SLC17A1: variants seen among roughly 807,000 people sequenced by gnomAD.
The protein encoded by SLC17A1 is sodium-dependent phosphate transport protein 1.
In SLC17A1, 51 loss-of-function variants were observed where a neutral mutation model predicts 53.5. The observed-to-expected ratio is 0.95, with a 90% CI of 0.76 to 1.20. The LOEUF is 1.20. SLC17A1 is among the 50% of genes most tolerant of loss of function. The pLI, the probability that SLC17A1 is intolerant of heterozygous loss-of-function variation, is 0.00. For missense variants in SLC17A1, 538 were observed against 568.2 expected, an observed-to-expected ratio of 0.95 and a Z score of 0.54; for synonymous variants, 179 against 198.8, an observed-to-expected ratio of 0.90 and a Z score of 0.84.
chr6:25,729,461 T>G, the SLC17A1 span, among the ~76,000 whole-genome samples: 6 of 152,292 alleles, frequency 3.9e-5, no homozygotes, highest in African/African-American at 1.2e-4. Context: ...TCTATTCCAC[T>G]GGGTCTTGGA....
intron 12 of SLC17A1, among the ~76,000 whole-genome samples, chr6:25,789,970 A>G (rs1417124593): frequency 6.6e-6 from 1 of 152,128 alleles, no homozygotes; most frequent in East Asian, 1.9e-4. Context: ...GATACCCTAA[A>G]GTGTGTGAGT....
the SLC17A1 span, chr6:25,726,607 T>G: frequency 2.0e-6 from 3 of 1,498,348 alleles, no homozygotes; most frequent in Non-Finnish European, 2.7e-6. Context: ...TGACTGAGGT[T>G]GGCATTTGCT....
At chr6:25,753,980 C>T in the SLC17A1 span, among the ~76,000 whole-genome samples, 6 of 151,970 alleles carry the variant, frequency 3.9e-5, no homozygotes, top group African/African-American at 1.5e-4. Context: ...CAAGGAACAA[C>T]CAATGAGACA....
intron 3 of SLC17A1, among the ~76,000 whole-genome samples, chr6:25,820,963 T>C (rs1337278276): frequency 6.6e-6 from 1 of 150,868 alleles, no homozygotes; most frequent in Non-Finnish European, 1.5e-5. Context: ...GTTGAGACTA[T>C]GAGGGACGAG....
rs1764712486 is a variant in SLC17A1, at chr6:25,825,574, T to A, written c.207+887A>T. Among the ~76,000 whole-genome samples the A allele has an allele frequency of 2.0e-5, 3 of 152,050 alleles. No homozygotes were observed. The South Asian group carries it at 6.2e-4, about 31-fold the overall frequency. On this transcript the variant is annotated intron_variant, in intron 3 of 12. Coordinates refer to ENST00000244527, the MANE Select transcript of SLC17A1 (RefSeq NM_005074.5). The stretch of plus-strand genomic sequence containing the variant: ...TCTGGTTTTATTGAAATGTTCTTTT[T>A]GTCTTGGTTTTCTGCAATTTAAATA...
chr6:25,731,671 A>G, the SLC17A1 span: 1 of 703,196 alleles, frequency 1.4e-6, no homozygotes, highest in African/African-American at 1.8e-5. Flanking sequence ...TCAGTCTGGC[A>G]ACGAGGCATA....
the SLC17A1 span, chr6:25,726,788 T>C: frequency 7.8e-7 from 1 of 1,285,446 alleles, no homozygotes; most frequent in Non-Finnish European, 1.1e-6. Context: ...TTTGTTTACT[T>C]GGCGAGACTT....
At chr6:25,752,779 C>A in the SLC17A1 span, among the ~76,000 whole-genome samples, 1 of 151,912 alleles carries the variant, frequency 6.6e-6, no homozygotes, top group African/African-American at 2.4e-5. Flanking sequence ...AGTGAAACCC[C>A]GTCTCTACTA....
intron 3 of SLC17A1, among the ~76,000 whole-genome samples, chr6:25,821,400 G>A (rs570559658): frequency 3.9e-5 from 6 of 152,300 alleles, no homozygotes; most frequent in African/African-American, 1.4e-4. Context: ...ATAGTAGCCT[G>A]GGTGCCAGGG....
chr6:25,727,017 G>C, the SLC17A1 span: 1 of 1,614,206 alleles, frequency 6.2e-7, no homozygotes, highest in Non-Finnish European at 8.5e-7. Flanking sequence ...GACCCGTAAG[G>C]AGAGTTATTC....
At chr6:25,779,088 T>C, downstream of SLC17A1, 1 of 1,613,884 alleles carries the variant, frequency 6.2e-7, no homozygotes, top group South Asian at 1.1e-5. Context: ...GTCTTCTTGC[T>C]TTCAGCTGCT....
chr6:25,737,612 G>A, the SLC17A1 span, among the ~76,000 whole-genome samples: 5 of 151,936 alleles, frequency 3.3e-5, no homozygotes, highest in African/African-American at 1.2e-4. Flanking sequence ...CCATTGGGTG[G>A]TTACAACTGC....
chr6:25,793,647 A>T (rs963979859), intron 12 of SLC17A1, among the ~76,000 whole-genome samples: 1 of 152,172 alleles, frequency 6.6e-6, no homozygotes, highest in African/African-American at 2.4e-5. Context: ...CAGCACCTAC[A>T]AAAGTGCTTA....
chr6:25,785,974 T>A (rs1763374247), intron 12 of SLC17A1, among the ~76,000 whole-genome samples: 2 of 152,218 alleles, frequency 1.3e-5, no homozygotes, highest in African/African-American at 4.8e-5. Flanking sequence ...CTTGTAGGTA[T>A]ATACCCCACA....
Position 25,819,907 on chromosome 6 carries a change from C to T in SLC17A1, c.216G>A (p.Met72Ile), listed in dbSNP as rs1393284693. 6.2e-7 allele frequency: 1 copy of T among 1,605,144 alleles called. No individual in the cohort carries two copies. The highest frequency in any genetic ancestry group is 2.2e-5 in the East Asian group (1 of 44,810). ...CCTGGATATCTGGGCTCCAATTATA[C>T]ATAGGGTTCTAAAAGACAAGGGGGG... ...KKLLDNIKNP[M>I]YNWSPDIQGI... Residue 72 changes from methionine to isoleucine, a missense_variant, in exon 4 of 13, where the codon ATG becomes ATA. Physicochemically the swap from Met to Ile is conservative, Grantham distance 10. Coordinates refer to ENST00000244527, the MANE Select transcript of SLC17A1 (RefSeq NM_005074.5).
the SLC17A1 span, among the ~76,000 whole-genome samples, chr6:25,756,839 G>A: frequency 1.7e-4 from 26 of 152,138 alleles, no homozygotes; most frequent in Admixed American, 1.5e-3. Context: ...TTAGACATTG[G>A]AACACTCGAA....
downstream of SLC17A1, among the ~76,000 whole-genome samples, chr6:25,781,950 A>G (rs887704665): frequency 8.5e-5 from 13 of 152,200 alleles, no homozygotes; most frequent in African/African-American, 2.4e-4. Flanking sequence ...GAAAACAAAC[A>G]TGTTTAAGAT....
chr6:25,731,700 A>C, the SLC17A1 span: 1 of 948,638 alleles, frequency 1.1e-6, no homozygotes, highest in Non-Finnish European at 1.5e-6. Flanking sequence ...TAAAATAAAC[A>C]TTCTACAGCC....
the SLC17A1 span, among the ~76,000 whole-genome samples, chr6:25,731,317 C>G: frequency 6.6e-6 from 1 of 152,188 alleles, no homozygotes; most frequent in African/African-American, 2.4e-5. Flanking sequence ...GGAGCTGGTC[C>G]ACCCGGACTT....
Sources: gnomAD v4.1 joint callset for allele counts (sites outside exome capture counted in the v4.1 genomes callset) on GRCh38, gnomAD v4.1.1 for gene constraint, MANE v1.5 for transcripts, NCBI Gene and HGNC (gene_info 2026-07-23, HGNC 2026-07-21) for gene names.